The following CNTN4 variants were observed in gnomAD, a reference collection of about 807,000 sequenced individuals.
CNTN4 encodes the protein contactin-4.
CNTN4 carries 77 observed loss-of-function variants against 122.5 expected under a neutral mutation model. That is an observed-to-expected ratio of 0.63 (90% confidence interval 0.52 to 0.76). The LOEUF is 0.76. Among genes scored for constraint, CNTN4 ranks in the 30% least tolerant of loss-of-function variants. The pLI is 0.00. For missense variants in CNTN4, 1,256 were observed against 1,259.1 expected (o/e 1.00, Z 0.04); for synonymous variants, 512 against 447.0 (o/e 1.15, Z -1.83).
chr3:2,566,719 G>C (rs2079176440), intron 3 of CNTN4, among the ~76,000 whole-genome samples: 1 of 152,168 alleles, frequency 6.6e-6, no homozygotes, highest in Admixed American at 6.5e-5. Context: ...TAGGGCTTCT[G>C]GCATGATCCC....
At chr3:2,313,710 T>C (rs1473856947) in intron 2 of CNTN4, among the ~76,000 whole-genome samples, 1 of 151,930 alleles carries the variant, frequency 6.6e-6, no homozygotes, top group Non-Finnish European at 1.5e-5. Context: ...AAAAACACTA[T>C]AGAGTAACAA....
intron 4 of CNTN4, among the ~76,000 whole-genome samples, chr3:2,671,633 G>C (rs60899764): frequency 0.05 from 7,617 of 152,240 alleles, 263 homozygotes; most frequent in African/African-American, 0.1. Context: ...TGCTGGTGAG[G>C]AGCTGCGTTC....
chr3:2,467,462 C>G (rs942587140), intron 3 of CNTN4, among the ~76,000 whole-genome samples: 3 of 152,070 alleles, frequency 2.0e-5, no homozygotes, highest in Non-Finnish European at 4.4e-5. Flanking sequence ...AACATAATAG[C>G]AAGAGAATGG....
intron 3 of CNTN4, among the ~76,000 whole-genome samples, chr3:2,416,178 A>G (rs1164410745): frequency 6.6e-6 from 1 of 152,168 alleles, no homozygotes; most frequent in Non-Finnish European, 1.5e-5. Context: ...AAAATAAGTT[A>G]TAAGCTTATT....
chr3:2,678,641 C>T (rs1451301583), intron 4 of CNTN4, among the ~76,000 whole-genome samples: 7 of 152,146 alleles, frequency 4.6e-5, no homozygotes, highest in Non-Finnish European at 1.0e-4. Flanking sequence ...GCTGTATCTT[C>T]CATTTTCTAG....
chr3:2,749,203 G>A (rs1357180368), intron 6 of CNTN4, among the ~76,000 whole-genome samples: 6 of 151,872 alleles, frequency 4.0e-5, no homozygotes, highest in South Asian at 4.2e-4. Flanking sequence ...TTGCTCCGTC[G>A]CCCTAGCTGG....
chr3:2,629,431 T>C, intron 4 of CNTN4: 1 of 359,814 alleles, frequency 2.8e-6, no homozygotes, highest in Middle Eastern at 3.7e-4. Flanking sequence ...TTTTCAAATA[T>C]TCAATTTTCC....
chr3:2,169,823 A>G (rs1421860828), intron 2 of CNTN4, among the ~76,000 whole-genome samples: 1 of 152,174 alleles, frequency 6.6e-6, no homozygotes, highest in Non-Finnish European at 1.5e-5. Context: ...CTCTTAGTCA[A>G]CAATGCTCTG....
chr3:2,764,300 CAT>C (rs1178144005), intron 6 of CNTN4, among the ~76,000 whole-genome samples: 4 of 152,098 alleles, frequency 2.6e-5, no homozygotes, highest in Admixed American at 2.0e-4. Flanking sequence ...AGGAAATTAA[CAT>C]AGAGAGCATT....
rs1013426062 is a variant in CNTN4, at chr3:2,385,790, T to C, written c.-89+46557T>C. The stretch of plus-strand genomic sequence containing the variant: ...TCCTAATGAACTCATCTTAACTTGG[T>C]TACATTTGCAAAGACCCTGCTTCCA... On this transcript the variant is annotated intron_variant, in intron 3 of 24. Coordinates refer to ENST00000418658, the MANE Select transcript of CNTN4 (RefSeq NM_175607.3). The surrounding 1 kb of genome is among the most constrained non-coding windows in gnomAD (Gnocchi z 4.0). 1.3e-5 allele frequency among the ~76,000 whole-genome samples: 2 copies of C among 152,104 alleles called. No individual in the cohort carries two copies. The highest frequency in any genetic ancestry group is 2.9e-5 in the Non-Finnish European group (2 of 68,042).
chr3:2,574,290 C>G (rs1490041846), intron 4 of CNTN4, among the ~76,000 whole-genome samples: 1 of 152,090 alleles, frequency 6.6e-6, no homozygotes, highest in Admixed American at 6.6e-5. Flanking sequence ...CATAACTTTT[C>G]TATACATCTT....
chr3:2,103,783 C>T (rs544022206), intron 2 of CNTN4, among the ~76,000 whole-genome samples: 36 of 151,940 alleles, frequency 2.4e-4, no homozygotes, highest in African/African-American at 5.1e-4. Context: ...TCCCAGGTAC[C>T]GTCTAAAAGA....
chr3:2,217,227 C>T (rs2149471719), intron 2 of CNTN4, among the ~76,000 whole-genome samples: 1 of 152,252 alleles, frequency 6.6e-6, no homozygotes, highest in South Asian at 2.1e-4. Flanking sequence ...CTCTTGTCTG[C>T]TTTTGGACTT....
chr3:2,868,366 A>T (rs541223951), intron 8 of CNTN4, among the ~76,000 whole-genome samples: 3 of 152,270 alleles, frequency 2.0e-5, no homozygotes, highest in African/African-American at 7.2e-5. Context: ...TTAAACCCTC[A>T]CAGTGCTTCG....
intron 3 of CNTN4, among the ~76,000 whole-genome samples, chr3:2,383,394 T>C (rs1231764180): frequency 6.6e-6 from 1 of 152,178 alleles, no homozygotes; most frequent in Non-Finnish European, 1.5e-5. Context: ...TCTTCCTTTA[T>C]ACTTTCTATG....
At chr3:2,864,842 G>T (rs570913012) in intron 7 of CNTN4, among the ~76,000 whole-genome samples, 4 of 148,070 alleles carry the variant, frequency 2.7e-5, no homozygotes, top group African/African-American at 1.0e-4. Context: ...CTTCCATCAT[G>T]TGACTTTGGA....
chr3:2,694,411 T>A (rs935340838), intron 4 of CNTN4, among the ~76,000 whole-genome samples: 1 of 152,242 alleles, frequency 6.6e-6, no homozygotes, highest in Non-Finnish European at 1.5e-5. Context: ...GTTCTATACT[T>A]CTTTACATTC....
chr3:2,239,773 G>A (rs2039859577), intron 2 of CNTN4, among the ~76,000 whole-genome samples: 1 of 152,104 alleles, frequency 6.6e-6, no homozygotes, highest in African/African-American at 2.4e-5. Flanking sequence ...GACAATAAAA[G>A]GGTACAATTA....
rs372104075 is a variant in CNTN4, at chr3:2,611,261, C to T, written c.55+39703C>T. Among the ~76,000 whole-genome samples, 23 of 106,840 alleles carry T rather than the reference C, an allele frequency of 2.2e-4. No homozygotes were observed. The East Asian group carries it at 2.7e-3, about 12-fold the overall frequency. The allele number at this position is 106,840 out of a possible 152,430, so 70.1% of individuals were successfully genotyped here. On this transcript the variant is annotated intron_variant, in intron 4 of 24. Coordinates refer to ENST00000418658, the MANE Select transcript of CNTN4 (RefSeq NM_175607.3). ...GACTTTCAACTCATAAAGACCAGAA[C>T]ATTTAGGGGACAAAAGTACTCACAG...
Sources: gnomAD v4.1 joint callset for allele counts (sites outside exome capture counted in the v4.1 genomes callset) on GRCh38, gnomAD v4.1.1 for gene constraint, Gnocchi (gnomAD v3.1) non-coding constraint, MANE v1.5 for transcripts, NCBI Gene and HGNC (gene_info 2026-07-23, HGNC 2026-07-21) for gene names.